Variants in RAB2A observed in about 807,000 individuals in gnomAD.
RAB2A encodes the protein ras-related protein Rab-2A.
RAB2A carries 7 observed loss-of-function variants against 32.5 expected under a neutral mutation model. That is an observed-to-expected ratio of 0.22 (90% CI 0.12 to 0.40). The LOEUF (loss-of-function observed/expected upper bound fraction) is 0.40. RAB2A is among the 10% of genes least tolerant of loss of function. The pLI, the probability that RAB2A is intolerant of heterozygous loss-of-function variation, is 1.00. For missense variants in RAB2A, 108 were observed against 260.7 expected (o/e 0.41, Z 4.03); for synonymous variants, 79 against 85.2 (o/e 0.93, Z 0.40).
At chr8:60,559,225 C>T (rs1401907701) in intron 2 of RAB2A, 12 of 253,412 alleles carry the variant, frequency 4.7e-5, no homozygotes, top group Middle Eastern at 2.9e-3. Flanking sequence ...GAAACTTTGA[C>T]TCAGCTTGCT....
intron 6 of RAB2A, among the ~76,000 whole-genome samples, chr8:60,599,355 T>C (rs1804090595): frequency 6.6e-6 from 1 of 152,184 alleles, no homozygotes; most frequent in African/African-American, 2.4e-5. Flanking sequence ...AAAATGTCAC[T>C]TATTCACAAA....
At chr8:60,607,673 G>T (rs566107689) in intron 6 of RAB2A, among the ~76,000 whole-genome samples, 3 of 152,140 alleles carry the variant, frequency 2.0e-5, no homozygotes, top group Non-Finnish European at 2.9e-5. Context: ...TAGATCTGTG[G>T]TGTGGCCTGG....
intron 5 of RAB2A, among the ~76,000 whole-genome samples, chr8:60,587,146 C>A (rs981164754): frequency 6.6e-6 from 1 of 152,034 alleles, no homozygotes; most frequent in African/African-American, 2.4e-5. Context: ...AGTCAATTTA[C>A]TATTGTTTGG....
At chr8:60,567,728 A>G (rs575951809) in intron 2 of RAB2A, among the ~76,000 whole-genome samples, 1 of 140,592 alleles carries the variant, frequency 7.1e-6, no homozygotes, top group East Asian at 1.9e-4. Context: ...TTAAGTTTGG[A>G]GATTGTATAG....
intron 3 of RAB2A, among the ~76,000 whole-genome samples, chr8:60,572,629 G>T (rs1346751009): frequency 6.6e-6 from 1 of 152,086 alleles, no homozygotes; most frequent in East Asian, 1.9e-4. Flanking sequence ...TACAGAAAAT[G>T]ATTTGAGTGA....
At chr8:60,534,628 C>A (rs1039839873) in intron 1 of RAB2A, among the ~76,000 whole-genome samples, 1 of 152,158 alleles carries the variant, frequency 6.6e-6, no homozygotes, top group Non-Finnish European at 1.5e-5. Context: ...GGGCTGCTAA[C>A]ACTTATTTTG....
chr8:60,576,391 T>C (rs1803630825), intron 3 of RAB2A: 1 of 413,700 alleles, frequency 2.4e-6, no homozygotes, highest in Non-Finnish European at 4.9e-6. Flanking sequence ...TCTATTCCTC[T>C]TTCAGTTGCC....
rs1586054683 is a variant in RAB2A at position 60,517,047 on chromosome 8, C to G, written c.-161C>G. 1 of 625,230 alleles carries G rather than the reference C, an allele frequency of 1.6e-6. No individual in the cohort carries two copies. The highest frequency in any genetic ancestry group is 3.5e-5 in the East Asian group (1 of 28,772). The allele number at this position is 625,230 out of a possible 1,614,324, so 38.7% of individuals were successfully genotyped here. On this transcript the variant is annotated 5_prime_UTR_variant, in exon 1 of 8. Transcript: ENST00000262646. ...TCGGCTCTGCGGGTGTCAGTTCGTC[C>G]GGCTTCCTCACAGCCCCTCACTCCC...
intron 1 of RAB2A, among the ~76,000 whole-genome samples, chr8:60,549,058 C>T (rs1392965397): frequency 2.0e-5 from 3 of 151,222 alleles, no homozygotes; most frequent in South Asian, 2.1e-4. Flanking sequence ...CGGGCAGAGA[C>T]GCTCCTCACT....
chr8:60,597,859 A>G (rs1033489146), intron 6 of RAB2A, among the ~76,000 whole-genome samples: 1 of 152,262 alleles, frequency 6.6e-6, no homozygotes, highest in Non-Finnish European at 1.5e-5. Flanking sequence ...CTATCACTAC[A>G]GATTCTCCAG....
chr8:60,617,802 C>T (rs1476842703), intron 6 of RAB2A, among the ~76,000 whole-genome samples: 1 of 152,152 alleles, frequency 6.6e-6, no homozygotes, highest in African/African-American at 2.4e-5. Context: ...GTTACACAAC[C>T]ATCACCACTA....
At chr8:60,597,498 T>C (rs558393669) in intron 6 of RAB2A, among the ~76,000 whole-genome samples, 7 of 152,182 alleles carry the variant, frequency 4.6e-5, no homozygotes, top group African/African-American at 1.7e-4. Flanking sequence ...ATGTGGATGA[T>C]GGATTGATGG....
intron 1 of RAB2A, among the ~76,000 whole-genome samples, chr8:60,517,774 G>A (rs899844835): frequency 2.6e-5 from 4 of 152,034 alleles, no homozygotes; most frequent in Non-Finnish European, 5.9e-5. Flanking sequence ...AAGAGAAAAG[G>A]AAACCTTTAA....
At chr8:60,535,544 A>G (rs886208780) in intron 1 of RAB2A, among the ~76,000 whole-genome samples, 4 of 152,216 alleles carry the variant, frequency 2.6e-5, no homozygotes, top group South Asian at 2.1e-4. Context: ...AAAAACTCTC[A>G]TAACTGAACT....
Position 60,623,147 on chromosome 8 carries a change from C to G in RAB2A, c.*2378C>G, listed in dbSNP as rs1193506868. ...TCATAAAGACATTGTTACCATTCGT[C>G]TTGCAAATTTAAGACAACTGAATGA... On this transcript the variant is annotated 3_prime_UTR_variant, in exon 8 of 8. Transcript: ENST00000262646. 6.6e-6 allele frequency: 1 copy of G among 152,164 alleles called. No homozygotes were observed. The highest frequency in any genetic ancestry group is 1.5e-5 in the Non-Finnish European group (1 of 68,030). The allele number at this position is 152,164 out of a possible 1,614,324, so 9.4% of individuals were successfully genotyped here. A position where few individuals can be genotyped will look rare whatever the true frequency, so the allele number is the denominator to read the frequency against.
chr8:60,555,193 A>G lies in RAB2A; in HGVS notation c.47-3659A>G, dbSNP rs79751305. On this transcript the variant is annotated intron_variant, in intron 1 of 7. Transcript: ENST00000262646. ...AAATTAGACCTCTGTCTCTCACCAT[A>G]TAGAAAAATCAGCTCAAAGTGGATG... Among the ~76,000 whole-genome samples the G allele has an allele frequency of 5.0e-3, 766 of 152,368 alleles. 8 individuals carry two copies. Among genetic ancestry groups the G allele is most frequent in the African/African-American group, 0.017 (701 of 41,592 alleles).
chr8:60,608,541 T>C (rs1051134860), intron 6 of RAB2A, among the ~76,000 whole-genome samples: 21 of 130,648 alleles, frequency 1.6e-4, no homozygotes, highest in Admixed American at 6.7e-4. Flanking sequence ...TTCTCCTCCT[T>C]CTCTCTCTCC....
At chr8:60,607,428 C>CAA (rs773988383) in intron 6 of RAB2A, among the ~76,000 whole-genome samples, 3,127 of 57,236 alleles carry the variant, frequency 0.055, 293 homozygotes, top group African/African-American at 0.19. Context: ...GACTCCATCT[C>CAA]AAAAAAAAAA....
At chr8:60,583,892 T>TTA (rs1314202801) in intron 3 of RAB2A, among the ~76,000 whole-genome samples, 1 of 152,218 alleles carries the variant, frequency 6.6e-6, no homozygotes, top group East Asian at 1.9e-4. Context: ...ATTCTGTCCT[T>TTA]TAATAATGAT....
Sources: allele counts gnomAD v4.1 joint callset (sites outside exome capture counted in the v4.1 genomes callset), GRCh38; gene constraint gnomAD v4.1.1; transcripts MANE v1.5; gene names NCBI Gene and HGNC (gene_info 2026-07-23, HGNC 2026-07-21).